The following ZC3H8 variants were observed in gnomAD, a reference collection of about 807,000 sequenced individuals.
ZC3H8 encodes the protein zinc finger CCCH-type containing 8, also known as zinc finger CCCH domain-containing protein 8.
ZC3H8 carries 27 observed loss-of-function variants against 42.5 expected under a neutral mutation model. The ratio of observed to expected loss-of-function variants is 0.64; its 90% CI spans 0.47 to 0.88. The LOEUF is 0.88. Ranked by LOEUF, ZC3H8 falls within the 40% of genes least tolerant of loss-of-function variation. ZC3H8 has a pLI of 0.00. For missense variants in ZC3H8, 277 were observed against 336.1 expected, an observed-to-expected ratio of 0.82 and a Z score of 1.37; for synonymous variants, 101 against 110.1, an observed-to-expected ratio of 0.92 and a Z score of 0.52.
intron 8 of ZC3H8, among the ~76,000 whole-genome samples, chr2:112,221,620 G>T (rs1021471921): frequency 3.3e-5 from 5 of 152,064 alleles, no homozygotes; most frequent in Non-Finnish European, 5.9e-5. Context: ...CAGTCTTCCA[G>T]CTCTGAGATT....
chr2:112,226,182 T>C (rs188421035), intron 8 of ZC3H8, among the ~76,000 whole-genome samples: 2 of 150,310 alleles, frequency 1.3e-5, no homozygotes, highest in African/African-American at 2.4e-5. Flanking sequence ...TTAGATGAAA[T>C]AGCAAAATTA....
Position 112,218,738 on chromosome 2 carries a change from C to T in ZC3H8, c.*16-2270G>A, listed in dbSNP as rs1684444251. ...ACTGTTTATGTTCTTGGTAAGGCTT[C>T]CCATCAACAGTAGGCTATTATTAGT... On this transcript the variant is annotated intron_variant, in intron 8 of 8. Transcript: ENST00000409573. Among the ~76,000 whole-genome samples, 4 of 152,222 alleles carry T rather than the reference C, an allele frequency of 2.6e-5. No individual in the cohort carries two copies. In the South Asian group the frequency reaches 8.3e-4, roughly 32 times the overall value.
chr2:112,252,037 GTCTATATTCTCA>G (rs1471768447), intron 1 of ZC3H8, among the ~76,000 whole-genome samples: 1 of 152,074 alleles, frequency 6.6e-6, no homozygotes, highest in African/African-American at 2.4e-5. Context: ...TCTCTTCTTT[GTCTATATTCTCA>G]TCTATATTCT....
intron 8 of ZC3H8, among the ~76,000 whole-genome samples, chr2:112,229,286 C>T (rs566113243): frequency 6.6e-6 from 1 of 152,176 alleles, no homozygotes; most frequent in Non-Finnish European, 1.5e-5. Flanking sequence ...TGATATGAGG[C>T]CTCTATCTGA....
intron 1 of ZC3H8, among the ~76,000 whole-genome samples, chr2:112,250,728 C>G (rs1289235973): frequency 6.6e-6 from 1 of 152,158 alleles, no homozygotes; most frequent in Non-Finnish European, 1.5e-5. Context: ...ATGGGGAACA[C>G]AACCCAGACT....
At chr2:112,236,307 T>C (rs1401880479) in intron 4 of ZC3H8, among the ~76,000 whole-genome samples, 1 of 152,112 alleles carries the variant, frequency 6.6e-6, no homozygotes, top group Non-Finnish European at 1.5e-5. Flanking sequence ...TGTGTGCATA[T>C]ATTCAGGAAC....
Position 112,215,257 on chromosome 2 carries a change from A to C in ZC3H8, c.*1227T>G, listed in dbSNP as rs1035738319. On this transcript the variant is annotated 3_prime_UTR_variant, in exon 9 of 9. Transcript: ENST00000409573. ...ACTGTATAAGGTTGTTATGAGACTT[A>C]AATAAGAAGTGCCTTGCCCACCTCC... 8 of 152,220 alleles carry C rather than the reference A, an allele frequency of 5.3e-5. No individual in the cohort carries two copies. Among genetic ancestry groups the C allele is most frequent in the Non-Finnish European group, 1.2e-4 (8 of 68,046 alleles). The allele number at this position is 152,220 out of a possible 1,614,324, so 9.4% of individuals were successfully genotyped here. A position where few individuals can be genotyped will look rare whatever the true frequency, so the allele number is the denominator to read the frequency against.
At chr2:112,252,991 G>C (rs4849057) in intron 1 of ZC3H8, among the ~76,000 whole-genome samples, 2 of 151,744 alleles carry the variant, frequency 1.3e-5, no homozygotes, top group Non-Finnish European at 2.9e-5. Context: ...AAAATACGTC[G>C]GGCGTGGTGG....
intron 1 of ZC3H8, among the ~76,000 whole-genome samples, chr2:112,251,875 C>T (rs1483750969): frequency 1.3e-5 from 2 of 152,198 alleles, no homozygotes; most frequent in Admixed American, 6.5e-5. Context: ...CAGGATAGGA[C>T]AGAGGTGACC....
chr2:112,252,908 C>T (rs1001125176), intron 1 of ZC3H8, among the ~76,000 whole-genome samples: 2 of 152,218 alleles, frequency 1.3e-5, no homozygotes, highest in African/African-American at 4.8e-5. Context: ...CTTTGGGAGG[C>T]CAAGGCGGGC....
In ZC3H8 at chr2:112,212,990, T is replaced by G. The variant is rs1684192917; in HGVS notation, c.*3494A>C. 1 of 97,302 alleles carries G rather than the reference T, an allele frequency of 1.0e-5. No individual in the cohort carries two copies. The highest frequency in any genetic ancestry group is 2.1e-5 in the Non-Finnish European group (1 of 47,742). The allele number at this position is 97,302 out of a possible 1,614,324, so 6.0% of individuals were successfully genotyped here. On this transcript the variant is annotated 3_prime_UTR_variant, in exon 9 of 9. Coordinates refer to ENST00000409573, the MANE Select transcript of ZC3H8 (RefSeq NM_032494.3). ...CTTTTTTTTTTTTTTTTTTTTTTTA[T>G]AAGAGACAAGGCTCTGTTGCCCAGG...
intron 2 of ZC3H8, among the ~76,000 whole-genome samples, chr2:112,247,350 C>A (rs1276287027): frequency 6.6e-6 from 1 of 151,994 alleles, no homozygotes; most frequent in Non-Finnish European, 1.5e-5. Context: ...TGAGGCGGGC[C>A]AATCACTTGA....
intron 1 of ZC3H8, among the ~76,000 whole-genome samples, chr2:112,253,128 T>C: frequency 6.6e-6 from 1 of 151,534 alleles, no homozygotes; most frequent in Non-Finnish European, 1.5e-5. Context: ...AGCCAGACTC[T>C]GCTCAAAAAA....
At chr2:112,247,291 A>G (rs945045502) in intron 2 of ZC3H8, among the ~76,000 whole-genome samples, 29 of 152,196 alleles carry the variant, frequency 1.9e-4, no homozygotes, top group Non-Finnish European at 8.8e-5. Flanking sequence ...TAAATAAGCT[A>G]TAGCCAGCCA....
intron 8 of ZC3H8, among the ~76,000 whole-genome samples, chr2:112,219,176 T>G (rs557803787): frequency 1.3e-5 from 2 of 152,294 alleles, no homozygotes; most frequent in African/African-American, 4.8e-5. Flanking sequence ...AGACTCACAC[T>G]TCCTGAGTTC....
At chr2:112,225,626 G>A (rs1327687493) in intron 8 of ZC3H8, among the ~76,000 whole-genome samples, 7 of 152,202 alleles carry the variant, frequency 4.6e-5, no homozygotes. Context: ...AGACCAGCGT[G>A]GCCAACATGG....
intron 2 of ZC3H8, among the ~76,000 whole-genome samples, chr2:112,244,638 A>G (rs1685694447): frequency 6.6e-6 from 1 of 152,162 alleles, no homozygotes; most frequent in Non-Finnish European, 1.5e-5. Flanking sequence ...TTTGAAAAGC[A>G]TGTGTTCACT....
At chr2:112,226,654 A>C (rs1380258452) in intron 8 of ZC3H8, among the ~76,000 whole-genome samples, 1 of 151,876 alleles carries the variant, frequency 6.6e-6, no homozygotes, top group African/African-American at 2.4e-5. Flanking sequence ...AATAATAACA[A>C]ATTTTCATGA....
chr2:112,231,360 T>C lies in ZC3H8; in HGVS notation c.844-410A>G, dbSNP rs72831654. Among the ~76,000 whole-genome samples, 236 of 152,282 alleles carry C rather than the reference T, an allele frequency of 1.5e-3. 1 individual carries two copies. The highest frequency in any genetic ancestry group is 3.9e-3 in the Admixed American group (60 of 15,296). On this transcript the variant is annotated intron_variant, in intron 7 of 8. Coordinates refer to ENST00000409573, the MANE Select transcript of ZC3H8 (RefSeq NM_032494.3). ...TTTAAGAGACTAGCTCCAACTAACA[T>C]GAGAAATGAAAGAATACAAATGACT...
Sources: allele counts gnomAD v4.1 joint callset (sites outside exome capture counted in the v4.1 genomes callset), GRCh38; gene constraint gnomAD v4.1.1; transcripts MANE v1.5; gene names NCBI Gene and HGNC (gene_info 2026-07-23, HGNC 2026-07-21).